SLC39A8: variants seen among roughly 807,000 people sequenced by gnomAD.
The protein encoded by SLC39A8 is solute carrier family 39 member 8, also known as metal cation symporter ZIP8.
In SLC39A8, 15 loss-of-function variants were observed where a neutral mutation model predicts 40.4. The ratio of observed to expected loss-of-function variants is 0.37; its 90% CI spans 0.25 to 0.57. The LOEUF (loss-of-function observed/expected upper bound fraction) is 0.57. Ranked by LOEUF, SLC39A8 falls within the 20% of genes least tolerant of loss-of-function variation. The probability of loss-of-function intolerance (pLI) is 0.75; values close to 1 mark genes in which losing one functional copy is unlikely to be tolerated. For synonymous variants in SLC39A8, 223 were observed against 221.6 expected, an observed-to-expected ratio of 1.01 and a Z score of -0.06; for missense variants, 472 against 558.8, an observed-to-expected ratio of 0.84 and a Z score of 1.57.
chr4:102,276,009 A>T (rs1023655637), intron 6 of SLC39A8, among the ~76,000 whole-genome samples: 1 of 152,232 alleles, frequency 6.6e-6, no homozygotes, highest in African/African-American at 2.4e-5. Flanking sequence ...AACTTATAGC[A>T]TTAAATATCC....
At chr4:102,302,477 C>T (rs1449554923) in intron 6 of SLC39A8, among the ~76,000 whole-genome samples, 1 of 151,966 alleles carries the variant, frequency 6.6e-6, no homozygotes, top group African/African-American at 2.4e-5. Flanking sequence ...TCTGCTGTGC[C>T]TCGCATTAAA....
At chr4:102,311,091 G>A (rs1460961661) in intron 3 of SLC39A8, among the ~76,000 whole-genome samples, 1 of 152,086 alleles carries the variant, frequency 6.6e-6, no homozygotes, top group Non-Finnish European at 1.5e-5. Flanking sequence ...CTGTGAAACT[G>A]TATAGAATGG....
intron 6 of SLC39A8, among the ~76,000 whole-genome samples, chr4:102,282,013 G>A (rs1008619140): frequency 2.0e-5 from 3 of 152,136 alleles, no homozygotes; most frequent in Non-Finnish European, 4.4e-5. Flanking sequence ...ATATACCATC[G>A]TTTAATCTTC....
chr4:102,295,906 G>A (rs1236712075), intron 6 of SLC39A8, among the ~76,000 whole-genome samples: 1 of 152,106 alleles, frequency 6.6e-6, no homozygotes, highest in African/African-American at 2.4e-5. Context: ...GGAAAAGCAA[G>A]TAGTTCTTAA....
chr4:102,272,635 C>T (rs548691765), intron 6 of SLC39A8, among the ~76,000 whole-genome samples: 4 of 152,154 alleles, frequency 2.6e-5, no homozygotes, highest in African/African-American at 9.6e-5. Context: ...ATGCCTAATA[C>T]ACCACTTAAA....
rs541959303 is a variant in SLC39A8 at position 102,344,536 on chromosome 4, G to C, written c.127C>G (p.Leu43Val). Reference protein sequence around the residue: ...VLSVFGANLSLSAAQLQHLLE... With the variant: ...VLSVFGANLSVSAAQLQHLLE... Reference sequence around the variant, plus strand: ...AAGTGCTGGAGCTGCGCCGCCGACAGGCTCAGATTCGCGCCGAACACGCTC... The same window carrying C: ...AAGTGCTGGAGCTGCGCCGCCGACACGCTCAGATTCGCGCCGAACACGCTC... The change falls in exon 2 of 9, where the codon CTG becomes GTG. Residue 43 changes from leucine to valine, a missense_variant. Leu to Val is a conservative substitution (Grantham distance 32). Around this residue, in one of 4 missense-constraint regions of SLC39A8, gnomAD observed 175 missense variants for 160.5 expected, o/e 1.09. Transcript: ENST00000356736. 4 of 1,559,286 alleles carry C rather than the reference G, an allele frequency of 2.6e-6. No individual in the cohort carries two copies. The highest frequency in any genetic ancestry group is 2.4e-5 in the East Asian group (1 of 41,472).
At chr4:102,332,714 C>T (rs983798125) in intron 2 of SLC39A8, among the ~76,000 whole-genome samples, 1 of 152,190 alleles carries the variant, frequency 6.6e-6, no homozygotes, top group African/African-American at 2.4e-5. Flanking sequence ...GACACATGAA[C>T]ACATATGTTT....
intron 6 of SLC39A8, among the ~76,000 whole-genome samples, chr4:102,291,821 G>A (rs547105714): frequency 3.3e-5 from 5 of 151,838 alleles, no homozygotes; most frequent in Non-Finnish European, 7.4e-5. Context: ...CAGACAAATG[G>A]ACAAAGAAAA....
At position 102,305,036 on chromosome 4, in the gene SLC39A8, A is replaced by G; in HGVS notation, c.628T>C (p.Phe210Leu). 1 of 1,609,740 alleles carries G rather than the reference A, an allele frequency of 6.2e-7. No homozygotes were observed. The highest frequency in any genetic ancestry group is 8.5e-7 in the Non-Finnish European group (1 of 1,177,228). ...VAVFGGFYLL[F>L]FFERMLKMLL... The stretch of plus-strand genomic sequence containing the variant: ...ATCTTTAGCATTCTTTCAAAAAAGA[A>G]AAGTAGGTAAAATCCACCAAACACA... The change falls in exon 5 of 9, where the codon TTC becomes CTC. Residue 210 changes from phenylalanine (F) to leucine (L), a missense_variant. Phe to Leu is a conservative substitution (Grantham distance 22). Transcript: ENST00000356736.
intron 11 of SLC39A8, chr4:102,253,513 G>T: frequency 1.6e-6 from 1 of 627,322 alleles, no homozygotes. Context: ...CCTCTAAGTT[G>T]TTAGCTTTTC....
chr4:102,290,313 C>T (rs913252302), intron 6 of SLC39A8, among the ~76,000 whole-genome samples: 1 of 152,126 alleles, frequency 6.6e-6, no homozygotes, highest in African/African-American at 2.4e-5. Context: ...TTTATATTCA[C>T]TGGGAAACCA....
chr4:102,317,032 C>A (rs1734695806), intron 2 of SLC39A8, among the ~76,000 whole-genome samples: 1 of 152,132 alleles, frequency 6.6e-6, no homozygotes, highest in African/African-American at 2.4e-5. Context: ...CTTCAAGTCT[C>A]CAACTATGAG....
chr4:102,296,016 C>T (rs1242179489), intron 6 of SLC39A8, among the ~76,000 whole-genome samples: 1 of 152,014 alleles, frequency 6.6e-6, no homozygotes, highest in Non-Finnish European at 1.5e-5. Flanking sequence ...ATTTGAATAG[C>T]AAATTATATT....
At chr4:102,325,496 C>T (rs965477788) in intron 2 of SLC39A8, among the ~76,000 whole-genome samples, 6 of 152,118 alleles carry the variant, frequency 3.9e-5, no homozygotes, top group South Asian at 2.1e-4. Context: ...AGATGAAGAA[C>T]GCTTTTCCTG....
At chr4:102,336,395 T>C (rs565594943) in intron 2 of SLC39A8, among the ~76,000 whole-genome samples, 3 of 152,322 alleles carry the variant, frequency 2.0e-5, no homozygotes, top group African/African-American at 7.2e-5. Flanking sequence ...TTGTAAACCA[T>C]TATGCTGTAT....
At chr4:102,329,193 G>A (rs1735343400) in intron 2 of SLC39A8, among the ~76,000 whole-genome samples, 2 of 152,152 alleles carry the variant, frequency 1.3e-5, no homozygotes, top group African/African-American at 4.8e-5. Flanking sequence ...GAAGGAAAAA[G>A]TAGAAATAAG....
rs567041151 is a variant in SLC39A8 at position 102,306,374 on chromosome 4, G to A, written c.552+1062C>T. On this transcript the variant is annotated intron_variant, in intron 4 of 8. Transcript: ENST00000356736. ...TAGCTTTGTTACTAGCTGATTGTAA[G>A]GCTATAATCAAATTATTTAACCACC... 5.3e-5 allele frequency among the ~76,000 whole-genome samples: 8 copies of A among 151,678 alleles called. No homozygotes were observed. The East Asian group carries it at 1.6e-3, about 30-fold the overall frequency.
At position 102,262,334 on chromosome 4, in the gene SLC39A8, A is replaced by G; in HGVS notation, c.*710T>C. Reference sequence around the variant, plus strand: ...GGTGCAACCACAACATAAGTCAGAAAAAAAGCTATCCAGCTTTTCGTGGAA... The same window carrying G: ...GGTGCAACCACAACATAAGTCAGAAGAAAAGCTATCCAGCTTTTCGTGGAA... On this transcript the variant is annotated 3_prime_UTR_variant, in exon 9 of 9. Transcript: ENST00000356736. 2 of 985,618 alleles carry G rather than the reference A, an allele frequency of 2.0e-6. No homozygotes were observed. Among genetic ancestry groups the G allele is most frequent in the Non-Finnish European group, 2.4e-6 (2 of 829,920 alleles). The allele number at this position is 985,618 out of a possible 1,614,324, so 61.1% of individuals were successfully genotyped here. A position where few individuals can be genotyped will look rare whatever the true frequency, so the allele number is the denominator to read the frequency against.
intron 6 of SLC39A8, among the ~76,000 whole-genome samples, chr4:102,292,436 TTC>T (rs1367273906): frequency 6.6e-6 from 1 of 152,132 alleles, no homozygotes; most frequent in Non-Finnish European, 1.5e-5. Context: ...GGAGGCCCTG[TTC>T]TCTTAGTCTA....
Sources: gnomAD v4.1 joint callset for allele counts (sites outside exome capture counted in the v4.1 genomes callset) on GRCh38, gnomAD v4.1.1 for gene constraint, gnomAD v4.1.1 regional missense constraint, MANE v1.5 for transcripts, NCBI Gene and HGNC (gene_info 2026-07-23, HGNC 2026-07-21) for gene names.